The following GNA15 variants were observed in gnomAD, a reference collection of about 807,000 sequenced individuals.
GNA15 encodes guanine nucleotide-binding protein subunit alpha-15.
In GNA15, 23 loss-of-function variants were observed where a neutral mutation model predicts 40.1. The ratio of observed to expected loss-of-function variants is 0.57; its 90% CI spans 0.41 to 0.81. The LOEUF is 0.81. Among genes scored for constraint, GNA15 ranks in the 40% least tolerant of loss-of-function variants. The pLI, the probability that GNA15 is intolerant of heterozygous loss-of-function variation, is 0.00. For missense variants in GNA15, 522 were observed against 515.8 expected (o/e 1.01, Z -0.12); for synonymous variants, 226 against 210.4 (o/e 1.07, Z -0.64).
At chr19:3,159,452 T>G (rs889694080) in intron 6 of GNA15, among the ~76,000 whole-genome samples, 20 of 151,424 alleles carry the variant, frequency 1.3e-4, no homozygotes, top group Non-Finnish European at 2.5e-4. Context: ...GTTCAAGGGA[T>G]TCTCCTGCCT....
rs535225969 is a variant in GNA15 at position 3,162,704 on chromosome 19, C to T, written c.899-89C>T. The stretch of plus-strand genomic sequence containing the variant: ...GACAGGCGCGATCCCTGGGTCCCTT[C>T]AGTGCTGGTTACAGGGAAGAGGGTC... On this transcript the variant is annotated intron_variant, in intron 6 of 6. Transcript: ENST00000262958. 4.0e-4 allele frequency: 310 copies of T among 781,234 alleles called. 6 individuals carry two copies. Among genetic ancestry groups the T allele is most frequent in the South Asian group, 3.9e-3 (257 of 66,118 alleles). 48.4% of individuals were successfully genotyped at this position (781,234 alleles called of 1,614,324 possible). A position where few individuals can be genotyped will look rare whatever the true frequency, so the allele number is the denominator to read the frequency against.
chr19:3,157,960 T>A, intron 6 of GNA15, 79 bp downstream of exon 6: 2 of 1,173,282 alleles, frequency 1.7e-6, no homozygotes, highest in Non-Finnish European at 2.5e-6. Flanking sequence ...AGACTCTACT[T>A]CAGCCTGGAG....
Position 3,136,531 on chromosome 19 carries a change from G to A in GNA15, c.81G>A (p.Glu27=), listed in dbSNP as rs200281819. The A allele has an allele frequency of 6.4e-7, 1 of 1,568,658 alleles. No homozygotes were observed. The highest frequency in any genetic ancestry group is 1.9e-5 in the Admixed American group (1 of 53,320). The change falls in exon 1 of 7, where the codon GAG becomes GAA. Residue 27 remains glutamate (E), a synonymous_variant. Transcript: ENST00000262958. The surrounding 1 kb of genome is among the most constrained non-coding windows in gnomAD (Gnocchi z 4.9). The part of the protein sequence containing the change: ...DEKAAARVDQ[E]INRILLEQKK... ...AGGCCGCCGCCCGGGTGGACCAGGA[G>A]ATCAACAGGATCCTCTTGGAGCAGA...
At chr19:3,138,595 C>T (rs911238390) in intron 1 of GNA15, among the ~76,000 whole-genome samples, 10 of 152,178 alleles carry the variant, frequency 6.6e-5, no homozygotes, top group Admixed American at 5.9e-4. Flanking sequence ...ACTGCACCTT[C>T]ACTGGGGGCC....
chr19:3,155,678 A>G lies in GNA15; in HGVS notation c.615-145A>G. The G allele has an allele frequency of 1.1e-6, 1 of 897,322 alleles. No homozygotes were observed. The highest frequency in any genetic ancestry group is 2.5e-5 in the East Asian group (1 of 40,056). The allele number at this position is 897,322 out of a possible 1,614,324, so 55.6% of individuals were successfully genotyped here. A position where few individuals can be genotyped will look rare whatever the true frequency, so the allele number is the denominator to read the frequency against. ...GTAAGACTCATCCTTGCCTCGCGGG[A>G]ATGACATGGCAAATCCACGAGAGGC... On this transcript the variant is annotated intron_variant, in intron 4 of 6. Transcript: ENST00000262958. The surrounding 1 kb of genome is among the most constrained non-coding windows in gnomAD (Gnocchi z 5.6).
intron 3 of GNA15, among the ~76,000 whole-genome samples, chr19:3,150,889 C>T (rs927044896): frequency 6.6e-6 from 1 of 151,602 alleles, no homozygotes; most frequent in Admixed American, 6.6e-5. Context: ...TCTGGGGGGA[C>T]CCTGTTCCCG....
intron 2 of GNA15, 162 bp downstream of exon 2, chr19:3,148,937 C>G (rs1462188647): frequency 4.7e-6 from 3 of 642,056 alleles, no homozygotes; most frequent in Middle Eastern, 4.2e-4. Context: ...GCCATGTCCT[C>G]CAGACATATG....
chr19:3,158,308 C>T (rs1319132694), intron 6 of GNA15, among the ~76,000 whole-genome samples: 3 of 152,008 alleles, frequency 2.0e-5, no homozygotes, highest in Non-Finnish European at 2.9e-5. Context: ...CGCCACCACG[C>T]CCAGCTAATT....
chr19:3,136,078 C>T lies in GNA15; in HGVS notation c.-373C>T, dbSNP rs1187379755. ...TGCTGGTCACACAGGACCCAGTCTG[C>T]GGTGGGGGTTTTCCCGCCACCGCCC... On this transcript the variant is annotated 5_prime_UTR_variant, in exon 1 of 7. Coordinates refer to ENST00000262958, the MANE Select transcript of GNA15 (RefSeq NM_002068.4). This position sits in a 1 kb window ranked among gnomAD's most constrained non-coding sequence, Gnocchi z 4.9. 2 of 183,318 alleles carry T rather than the reference C, an allele frequency of 1.1e-5. No individual in the cohort carries two copies. Among genetic ancestry groups the T allele is most frequent in the African/African-American group, 2.4e-5 (1 of 41,680 alleles). 11.4% of individuals were successfully genotyped at this position (183,318 alleles called of 1,614,324 possible).
Position 3,163,107 on chromosome 19 carries a change from C to A in GNA15, c.*88C>A. 1 of 831,514 alleles carries A rather than the reference C, an allele frequency of 1.2e-6. No homozygotes were observed. The highest frequency in any genetic ancestry group is 2.0e-6 in the Non-Finnish European group (1 of 500,118). The allele number at this position is 831,514 out of a possible 1,614,324, so 51.5% of individuals were successfully genotyped here. A position where few individuals can be genotyped will look rare whatever the true frequency, so the allele number is the denominator to read the frequency against. ...GACCCCTAGTGTCCCTGGTCTATCT[C>A]TCCAGCCTCGGCCCACACGCAAGGG... is the stretch of plus-strand genomic sequence containing the variant. On this transcript the variant is annotated 3_prime_UTR_variant, in exon 7 of 7. Coordinates refer to ENST00000262958, the MANE Select transcript of GNA15 (RefSeq NM_002068.4).
At chr19:3,162,065 A>G (rs1259017951) in intron 6 of GNA15, among the ~76,000 whole-genome samples, 3 of 151,714 alleles carry the variant, frequency 2.0e-5, no homozygotes, top group Admixed American at 6.6e-5. Context: ...TGATAATAAT[A>G]ATAAAATTGA....
chr19:3,145,359 A>ATATATATTTTT, intron 1 of GNA15, among the ~76,000 whole-genome samples: 12 of 46,966 alleles, frequency 2.6e-4, no homozygotes, highest in African/African-American at 8.2e-4. Context: ...ATATATATAT[A>ATATATATTTTT]TTTTTTTTTT....
At position 3,151,207 on chromosome 19, in the gene GNA15, G is replaced by C. The variant is rs540259618; in HGVS notation, c.486-500G>C. ...TGTTTCTGAGGGGACCCTATTCTGG[G>C]GGGACCCTGTTCCTGGAGTGACCCT... is the stretch of plus-strand genomic sequence containing the variant. On this transcript the variant is annotated intron_variant, in intron 3 of 6. Coordinates refer to ENST00000262958, the MANE Select transcript of GNA15 (RefSeq NM_002068.4). This position sits in a 1 kb window ranked among gnomAD's most constrained non-coding sequence, Gnocchi z 5.0. Among the ~76,000 whole-genome samples the C allele has an allele frequency of 6.6e-6, 1 of 150,896 alleles. No individual in the cohort carries two copies. Among genetic ancestry groups the C allele is most frequent in the African/African-American group, 2.4e-5 (1 of 40,992 alleles).
At position 3,145,359 on chromosome 19, in the gene GNA15, A is replaced by ACAT. The variant is rs766635657; in HGVS notation, c.146-3232_146-3231insCAT. ...TAAATATATATATATATATATATAT[A>ACAT]TTTTTTTTTTTTTGTAGAGATGGGG... On this transcript the variant is annotated intron_variant, in intron 1 of 6. Coordinates refer to ENST00000262958, the MANE Select transcript of GNA15 (RefSeq NM_002068.4). Among the ~76,000 whole-genome samples the ACAT allele has an allele frequency of 3.0e-3, 139 of 46,968 alleles. 4 individuals are homozygous for ACAT. Among genetic ancestry groups the ACAT allele is most frequent in the African/African-American group, 0.012 (131 of 10,916 alleles). The allele number at this position is 46,968 out of a possible 152,430, so 30.8% of individuals were successfully genotyped here.
chr19:3,149,018 G>C, intron 2 of GNA15: 1 of 505,900 alleles, frequency 2.0e-6, no homozygotes, highest in Non-Finnish European at 3.5e-6. Flanking sequence ...CACACGCACA[G>C]ACATGCACAC....
intron 6 of GNA15, 73 bp from the exon 7 acceptor site, chr19:3,162,720 G>T: frequency 1.1e-6 from 1 of 934,024 alleles, no homozygotes. Context: ...TGGTTACAGG[G>T]AAGAGGGTCT....
intron 6 of GNA15, 68 bp from the exon 7 acceptor site, chr19:3,162,724 AG>A (rs1192524200): frequency 2.1e-5 from 20 of 965,984 alleles, no homozygotes; most frequent in African/African-American, 3.2e-5. Context: ...TACAGGGAAG[AG>A]GGTCTCCAGA....
At chr19:3,157,597 G>A (rs191670702) in intron 5 of GNA15, 131 bp from the exon 6 acceptor site, 66 of 733,854 alleles carry the variant, frequency 9.0e-5, no homozygotes, top group Admixed American at 2.8e-4. Flanking sequence ...GGGCACACCC[G>A]CCTCAGCCCC....
chr19:3,136,282 T>C lies in GNA15; in HGVS notation c.-169T>C. On this transcript the variant is annotated 5_prime_UTR_variant, in exon 1 of 7. Transcript: ENST00000262958. This position sits in a 1 kb window ranked among gnomAD's most constrained non-coding sequence, Gnocchi z 4.9. Reference sequence around the variant, plus strand: ...CCGCCGAGCCGGGCTTCCTGGGTGTTTCAGGCAAGGAAGTCTAGGTCCCTG... The same window carrying C: ...CCGCCGAGCCGGGCTTCCTGGGTGTCTCAGGCAAGGAAGTCTAGGTCCCTG... 1 of 639,684 alleles carries C rather than the reference T, an allele frequency of 1.6e-6. No homozygotes were observed. The highest frequency in any genetic ancestry group is 2.6e-6 in the Non-Finnish European group (1 of 382,784). The allele number at this position is 639,684 out of a possible 1,614,324, so 39.6% of individuals were successfully genotyped here. A position where few individuals can be genotyped will look rare whatever the true frequency, so the allele number is the denominator to read the frequency against.
Sources: allele counts gnomAD v4.1 joint callset (sites outside exome capture counted in the v4.1 genomes callset), GRCh38; gene constraint gnomAD v4.1.1; non-coding constraint Gnocchi (gnomAD v3.1); transcripts MANE v1.5; gene names NCBI Gene and HGNC (gene_info 2026-07-23, HGNC 2026-07-21).